PCYT1A: variants seen among roughly 807,000 people sequenced by gnomAD.
PCYT1A encodes the protein phosphate cytidylyltransferase 1A, choline, also known as choline-phosphate cytidylyltransferase A.
PCYT1A carries 25 observed loss-of-function variants against 43.7 expected under a neutral mutation model. That is an observed-to-expected ratio of 0.57 (90% CI 0.42 to 0.80). The LOEUF (loss-of-function observed/expected upper bound fraction) is 0.80. Among genes scored for constraint, PCYT1A ranks in the 30% least tolerant of loss-of-function variants. PCYT1A has a pLI of 0.00. For synonymous variants in PCYT1A, 172 were observed against 170.7 expected (o/e 1.01, Z -0.06); for missense variants, 421 against 474.2 (o/e 0.89, Z 1.04).
At chr3:196,259,076 G>A (rs977903919) in intron 2 of PCYT1A, among the ~76,000 whole-genome samples, 3 of 152,052 alleles carry the variant, frequency 2.0e-5, no homozygotes, top group East Asian at 1.9e-4. Flanking sequence ...AGAGTGCAGC[G>A]GCACGATCAT....
intron 2 of PCYT1A, chr3:196,267,369 G>C (rs1386473659): frequency 1.1e-5 from 5 of 454,890 alleles, no homozygotes; most frequent in Admixed American, 2.4e-5. Context: ...GGAGAGACTG[G>C]GGGGAAATGG....
At chr3:196,243,387 G>A (rs1433063841) in intron 5 of PCYT1A, among the ~76,000 whole-genome samples, 2 of 151,576 alleles carry the variant, frequency 1.3e-5, no homozygotes, top group African/African-American at 4.9e-5. Context: ...CTCTCAGTCC[G>A]TGAGAAAAGA....
At chr3:196,266,142 C>A (rs1725266698) in intron 2 of PCYT1A, among the ~76,000 whole-genome samples, 2 of 151,924 alleles carry the variant, frequency 1.3e-5, no homozygotes, top group African/African-American at 4.8e-5. Flanking sequence ...TTTATCTTTA[C>A]ACGTCTACCA....
intron 1 of PCYT1A, among the ~76,000 whole-genome samples, chr3:196,281,650 T>A (rs899229745): frequency 6.6e-6 from 1 of 152,140 alleles, no homozygotes; most frequent in African/African-American, 2.4e-5. Context: ...TCATCCTAGA[T>A]GAAATCAGGA....
Position 196,282,200 on chromosome 3 carries a change from G to A in PCYT1A, c.-11+5415C>T, listed in dbSNP as rs1411731403. Reference sequence around the variant, plus strand: ...GCACTTACTCTGTGCCAGACCCTGGGTTAGCCACTGGCACACATAATAAAG... The same window carrying A: ...GCACTTACTCTGTGCCAGACCCTGGATTAGCCACTGGCACACATAATAAAG... On this transcript the variant is annotated intron_variant, in intron 1 of 8. Transcript: ENST00000431016. This position sits in a 1 kb window ranked among gnomAD's most constrained non-coding sequence, Gnocchi z 4.3. Among the ~76,000 whole-genome samples the A allele has an allele frequency of 6.6e-6, 1 of 152,172 alleles. No individual in the cohort carries two copies.
chr3:196,264,946 T>C (rs1725223509), intron 2 of PCYT1A, among the ~76,000 whole-genome samples: 1 of 152,022 alleles, frequency 6.6e-6, no homozygotes. Flanking sequence ...AGGCCTACTT[T>C]GCCATAAGCA....
chr3:196,235,606 AGGC>A lies in PCYT1A; in HGVS notation c.*3079_*3081del, dbSNP rs1458142432. Reference sequence around the variant, plus strand: ...CAAGCTTTCCGTCCGGCCCACCGGAAGGCAGTGGCTGCGCCGGCACCTCCCCGG... The same window carrying A: ...CAAGCTTTCCGTCCGGCCCACCGGAAAGTGGCTGCGCCGGCACCTCCCCGG... On this transcript the variant is annotated 3_prime_UTR_variant, in exon 9 of 9. Coordinates refer to ENST00000431016, the MANE Select transcript of PCYT1A (RefSeq NM_001312673.2). The surrounding 1 kb of genome is among the most constrained non-coding windows in gnomAD (Gnocchi z 4.3). 1 of 152,346 alleles carries A rather than the reference AGGC, an allele frequency of 6.6e-6. No individual in the cohort carries two copies. Among genetic ancestry groups the A allele is most frequent in the Non-Finnish European group, 1.5e-5 (1 of 68,116 alleles). The allele number at this position is 152,346 out of a possible 1,614,324, so 9.4% of individuals were successfully genotyped here. A position where few individuals can be genotyped will look rare whatever the true frequency, so the allele number is the denominator to read the frequency against.
In PCYT1A at chr3:196,237,378, C is replaced by T. The variant is rs182743145; in HGVS notation, c.*1310G>A. 6 of 152,372 alleles carry T rather than the reference C, an allele frequency of 3.9e-5. No individual in the cohort carries two copies. Among genetic ancestry groups the T allele is most frequent in the South Asian group, 2.1e-4 (1 of 4,826 alleles). The allele number at this position is 152,372 out of a possible 1,614,324, so 9.4% of individuals were successfully genotyped here. On this transcript the variant is annotated 3_prime_UTR_variant, in exon 9 of 9. Coordinates refer to ENST00000431016, the MANE Select transcript of PCYT1A (RefSeq NM_001312673.2). The stretch of plus-strand genomic sequence containing the variant: ...TTGAAAGTCAAGTGTTGAATCCCCC[C>T]GGGCAAGCCAACAAGGCAGATGGAA...
chr3:196,283,189 T>C (rs928188469), intron 1 of PCYT1A, among the ~76,000 whole-genome samples: 32 of 152,226 alleles, frequency 2.1e-4, no homozygotes, highest in African/African-American at 7.5e-4. Flanking sequence ...ATACAAAAAT[T>C]AGCTGGGCGT....
chr3:196,259,526 G>A (rs1040617734), intron 2 of PCYT1A, among the ~76,000 whole-genome samples: 3 of 151,816 alleles, frequency 2.0e-5, no homozygotes, highest in South Asian at 2.1e-4. Context: ...ATTAAAACAC[G>A]TTTTTTTTGT....
At chr3:196,246,130 T>C (rs1039629422) in intron 5 of PCYT1A, among the ~76,000 whole-genome samples, 6 of 152,200 alleles carry the variant, frequency 3.9e-5, no homozygotes, top group African/African-American at 1.4e-4. Context: ...TAGGTGTTGA[T>C]GTAGAAAAGC....
At position 196,247,552 on chromosome 3, in the gene PCYT1A, T is replaced by A. The variant is rs1358377462; in HGVS notation, c.335-34A>T. Reference sequence around the variant, plus strand: ...CCACATCATAAATTGTGTGTTGGAGTCCTCTTTGCTTAGCACCTCCTCAGC... The same window carrying A: ...CCACATCATAAATTGTGTGTTGGAGACCTCTTTGCTTAGCACCTCCTCAGC... On this transcript the variant is annotated intron_variant, in intron 4 of 8. Coordinates refer to ENST00000431016, the MANE Select transcript of PCYT1A (RefSeq NM_001312673.2). The surrounding 1 kb of genome is among the most constrained non-coding windows in gnomAD (Gnocchi z 4.8). 5 of 1,608,872 alleles carry A rather than the reference T, an allele frequency of 3.1e-6. No individual in the cohort carries two copies. The highest frequency in any genetic ancestry group is 4.5e-5 in the East Asian group (2 of 44,862).
At position 196,238,489 on chromosome 3, in the gene PCYT1A, C is replaced by A; in HGVS notation, c.*199G>T. ...CAGAGCAGGCTTCTAAGGTGCAGTC[C>A]CCCTCCTTCGTGTGGGTGAGTGATG... On this transcript the variant is annotated 3_prime_UTR_variant, in exon 9 of 9. Coordinates refer to ENST00000431016, the MANE Select transcript of PCYT1A (RefSeq NM_001312673.2). The A allele has an allele frequency of 2.4e-6, 1 of 414,084 alleles. No individual in the cohort carries two copies. Among genetic ancestry groups the A allele is most frequent in the Non-Finnish European group, 4.3e-6 (1 of 231,642 alleles). 25.7% of individuals were successfully genotyped at this position (414,084 alleles called of 1,614,324 possible).
chr3:196,263,665 G>C (rs1402637257), intron 2 of PCYT1A, among the ~76,000 whole-genome samples: 2 of 152,090 alleles, frequency 1.3e-5, no homozygotes, highest in African/African-American at 2.4e-5. Context: ...ACAGAGTCTT[G>C]CTCTGTCGCC....
In PCYT1A at chr3:196,282,083, C is replaced by T. The variant is rs1240958975; in HGVS notation, c.-11+5532G>A. Among the ~76,000 whole-genome samples, 1 of 152,210 alleles carries T rather than the reference C, an allele frequency of 6.6e-6. No individual in the cohort carries two copies. Among genetic ancestry groups the T allele is most frequent in the African/African-American group, 2.4e-5 (1 of 41,456 alleles). On this transcript the variant is annotated intron_variant, in intron 1 of 8. Transcript: ENST00000431016. This position sits in a 1 kb window ranked among gnomAD's most constrained non-coding sequence, Gnocchi z 4.3. ...AGTTCAACGTTACTTGTCATGAGCCCTATAAACTGTCACATTTAAGACCTT... is the reference window on the plus strand; with the variant it reads ...AGTTCAACGTTACTTGTCATGAGCCTTATAAACTGTCACATTTAAGACCTT...
rs781502440 is a variant in PCYT1A at position 196,252,899 on chromosome 3, A to G, written c.218-4576T>C. Among the ~76,000 whole-genome samples the G allele has an allele frequency of 9.3e-5, 13 of 140,148 alleles. No individual in the cohort carries two copies. The highest frequency in any genetic ancestry group is 1.6e-4 in the Non-Finnish European group (10 of 63,324). 91.9% of individuals were successfully genotyped at this position (140,148 alleles called of 152,430 possible). ...TTTTTACTGCCAGCATGTGTCAACT[A>G]AAAAAAAAGAAGAAAAAAATATTTT... On this transcript the variant is annotated intron_variant, in intron 3 of 8. Transcript: ENST00000431016. The surrounding 1 kb of genome is among the most constrained non-coding windows in gnomAD (Gnocchi z 4.0).
rs7617236 is a variant in PCYT1A at position 196,273,572 on chromosome 3, G to C, written c.-10-3031C>G. Among the ~76,000 whole-genome samples, 35,865 of 150,720 alleles carry C rather than the reference G, an allele frequency of 0.24. 5,861 individuals are homozygous for C. The highest frequency in any genetic ancestry group is 0.76 in the East Asian group (3,940 of 5,154). ...CATCTGTGCAGCCCTCAGCGGAGAG[G>C]AGACCCAGAGTGGATAGCTCCTATC... is the stretch of plus-strand genomic sequence containing the variant. On this transcript the variant is annotated intron_variant, in intron 1 of 8. Coordinates refer to ENST00000431016, the MANE Select transcript of PCYT1A (RefSeq NM_001312673.2). This position sits in a 1 kb window ranked among gnomAD's most constrained non-coding sequence, Gnocchi z 4.1.
At chr3:196,270,112 C>T (rs991349441) in intron 2 of PCYT1A, among the ~76,000 whole-genome samples, 4 of 152,324 alleles carry the variant, frequency 2.6e-5, no homozygotes, top group African/African-American at 7.2e-5. Context: ...GATCCTCCCA[C>T]CTCAGCCTCC....
intron 2 of PCYT1A, among the ~76,000 whole-genome samples, chr3:196,259,637 A>G (rs902173733): frequency 4.6e-5 from 7 of 151,950 alleles, no homozygotes; most frequent in Non-Finnish European, 7.4e-5. Flanking sequence ...TGAGCCCAGG[A>G]GTTCAAGACC....
Sources: allele counts gnomAD v4.1 joint callset (sites outside exome capture counted in the v4.1 genomes callset), GRCh38; gene constraint gnomAD v4.1.1; non-coding constraint Gnocchi (gnomAD v3.1); transcripts MANE v1.5; gene names NCBI Gene and HGNC (gene_info 2026-07-23, HGNC 2026-07-21).